HTR3B: variants seen among roughly 807,000 people sequenced by gnomAD.
HTR3B encodes the protein 5-hydroxytryptamine receptor 3B.
HTR3B carries 44 observed loss-of-function variants against 42.8 expected under a neutral mutation model. The observed-to-expected ratio is 1.03, with a 90% CI of 0.81 to 1.32. The LOEUF (loss-of-function observed/expected upper bound fraction) is 1.32. Ranked by LOEUF, HTR3B falls within the 40% of genes most tolerant of loss-of-function variation. The pLI, the probability that HTR3B is intolerant of heterozygous loss-of-function variation, is 0.00. For missense variants in HTR3B, 527 were observed against 536.5 expected (o/e 0.98, Z 0.17); for synonymous variants, 203 against 209.0 (o/e 0.97, Z 0.25).
chr11:113,926,773 C>T (rs771487192), intron 2 of HTR3B, among the ~76,000 whole-genome samples: 9 of 152,152 alleles, frequency 5.9e-5, no homozygotes, highest in Non-Finnish European at 1.2e-4. Context: ...AGGTGATCTG[C>T]CTGCCTCAGC....
intron 2 of HTR3B, among the ~76,000 whole-genome samples, chr11:113,919,830 A>AAACAACAAC (rs149081128): frequency 1.2e-4 from 18 of 148,936 alleles, no homozygotes; most frequent in East Asian, 6.0e-4. Context: ...CTCCATCTCA[A>AAACAACAAC]AACAACAACA....
intron 2 of HTR3B, among the ~76,000 whole-genome samples, chr11:113,930,201 A>G (rs1246993835): frequency 6.6e-6 from 1 of 152,112 alleles, no homozygotes. Context: ...AAAGCACAAA[A>G]GTTTTTAATT....
intron 6 of HTR3B, among the ~76,000 whole-genome samples, chr11:113,933,483 TA>T (rs1413660554): frequency 1.3e-5 from 2 of 150,528 alleles, no homozygotes; most frequent in East Asian, 1.9e-4. Context: ...ATTATTGTCC[TA>T]TTTTTTTTTT....
chr11:113,948,384 A>C lies in HTR3B; in HGVS notation c.*2247A>C, dbSNP rs964278770. 6.6e-6 allele frequency among the ~76,000 whole-genome samples: 1 copy of C among 152,214 alleles called. No homozygotes were observed. Among genetic ancestry groups the C allele is most frequent in the Non-Finnish European group, 1.5e-5 (1 of 68,032 alleles). ...CCAACTATGTCTTAGAGAAAGCACC[A>C]GTGTCAGAGTCAGGAGTCCTGATGA... On this transcript the variant is annotated 3_prime_UTR_variant, in exon 9 of 9. Transcript: ENST00000260191.
chr11:113,939,452 C>G (rs1204830540), intron 6 of HTR3B, among the ~76,000 whole-genome samples: 1 of 152,190 alleles, frequency 6.6e-6, no homozygotes, highest in Non-Finnish European at 1.5e-5. Flanking sequence ...CAAGAGCAGG[C>G]TCTGTGTGAC....
At chr11:113,899,829 G>A (rs906239043), upstream of HTR3B, among the ~76,000 whole-genome samples, 2 of 152,178 alleles carry the variant, frequency 1.3e-5, no homozygotes, top group East Asian at 3.8e-4. Flanking sequence ...AGGCTCATGG[G>A]GATGTGAAGT....
At chr11:113,929,293 G>A (rs1176479460) in intron 2 of HTR3B, among the ~76,000 whole-genome samples, 3 of 151,984 alleles carry the variant, frequency 2.0e-5, no homozygotes, top group African/African-American at 7.3e-5. Flanking sequence ...AGGAAGTTTG[G>A]GCTGCCGTAA....
At chr11:113,924,640 A>AAG (rs1428701064) in intron 2 of HTR3B, among the ~76,000 whole-genome samples, 10 of 149,998 alleles carry the variant, frequency 6.7e-5, no homozygotes, top group Admixed American at 6.7e-4. Flanking sequence ...AAAAAAAAAA[A>AAG]AAAAAAAGCC....
At chr11:113,910,666 C>T (rs1949782619) in intron 2 of HTR3B, among the ~76,000 whole-genome samples, 1 of 151,724 alleles carries the variant, frequency 6.6e-6, no homozygotes, top group African/African-American at 2.4e-5. Context: ...TCTCAAACTC[C>T]TGACCTCAAG....
At chr11:113,925,792 T>G (rs1949964561) in intron 2 of HTR3B, among the ~76,000 whole-genome samples, 1 of 152,230 alleles carries the variant, frequency 6.6e-6, no homozygotes, top group Admixed American at 6.5e-5. Context: ...ATCAGACTTC[T>G]TATAAATTTA....
intron 7 of HTR3B, 46 bp from the exon 8 acceptor site, chr11:113,944,527 G>A: frequency 1.3e-6 from 2 of 1,586,922 alleles, no homozygotes; most frequent in Non-Finnish European, 1.7e-6. Context: ...ATCTGATGCT[G>A]CATTTCAGAC....
upstream of HTR3B, among the ~76,000 whole-genome samples, chr11:113,900,014 CT>C (rs779800377): frequency 6.6e-6 from 1 of 152,166 alleles, no homozygotes; most frequent in Non-Finnish European, 1.5e-5. Flanking sequence ...CACCTGTAAT[CT>C]TAAAACTTTG....
chr11:113,932,827 C>T lies in HTR3B; in HGVS notation c.539-109C>T, dbSNP rs1231500564. ...TTCAAATAAGGCCAAGGAGACTGTGCCTATGGGGGCAGGAGAACGAGGAAG... is the reference window on the plus strand; with the variant it reads ...TTCAAATAAGGCCAAGGAGACTGTGTCTATGGGGGCAGGAGAACGAGGAAG... On this transcript the variant is annotated intron_variant, in intron 5 of 8. Coordinates refer to ENST00000260191, the MANE Select transcript of HTR3B (RefSeq NM_006028.5). The T allele has an allele frequency of 2.8e-6, 3 of 1,077,962 alleles. No homozygotes were observed. The African/African-American group carries it at 4.7e-5, about 17-fold the overall frequency. The allele number at this position is 1,077,962 out of a possible 1,614,324, so 66.8% of individuals were successfully genotyped here.
At chr11:113,938,968 C>G (rs1225443021) in intron 6 of HTR3B, among the ~76,000 whole-genome samples, 2 of 151,858 alleles carry the variant, frequency 1.3e-5, no homozygotes, top group African/African-American at 2.4e-5. Flanking sequence ...GTACTCCAGT[C>G]TGGGCAATAA....
At chr11:113,944,168 C>T (rs570483262) in intron 7 of HTR3B, among the ~76,000 whole-genome samples, 6 of 151,922 alleles carry the variant, frequency 3.9e-5, no homozygotes, top group South Asian at 2.1e-4. Flanking sequence ...TACAGGCGCC[C>T]GCCACCATGC....
intron 1 of HTR3B, chr11:113,908,972 G>T: frequency 2.2e-6 from 1 of 445,314 alleles, no homozygotes; most frequent in Non-Finnish European, 3.9e-6. Context: ...TGCTAGGAGA[G>T]GATGATACAG....
At chr11:113,925,109 T>A (rs1949956475) in intron 2 of HTR3B, among the ~76,000 whole-genome samples, 1 of 152,198 alleles carries the variant, frequency 6.6e-6, no homozygotes, top group Non-Finnish European at 1.5e-5. Context: ...ACCATCAACA[T>A]GGACTATAAT....
chr11:113,926,638 G>A (rs1217403413), intron 2 of HTR3B, among the ~76,000 whole-genome samples: 2 of 151,402 alleles, frequency 1.3e-5, no homozygotes, highest in East Asian at 1.9e-4. Flanking sequence ...AAGTGATCTC[G>A]TGCCTCAGCC....
At chr11:113,923,106 A>G (rs528695585) in intron 2 of HTR3B, among the ~76,000 whole-genome samples, 8 of 152,304 alleles carry the variant, frequency 5.3e-5, no homozygotes, top group African/African-American at 1.9e-4. Flanking sequence ...AAATGTCTCT[A>G]TTGCATGTAG....
Sources: gnomAD v4.1 joint callset for allele counts (sites outside exome capture counted in the v4.1 genomes callset) on GRCh38, gnomAD v4.1.1 for gene constraint, MANE v1.5 for transcripts, NCBI Gene and HGNC (gene_info 2026-07-23, HGNC 2026-07-21) for gene names.